SNTB2: variants seen among roughly 807,000 people sequenced by gnomAD.
SNTB2 encodes the protein beta-2-syntrophin.
Under a neutral mutation model 46.2 loss-of-function variants are expected in SNTB2, and 34 were observed. That is an observed-to-expected ratio of 0.74 (90% CI 0.56 to 0.98). The LOEUF (loss-of-function observed/expected upper bound fraction) is 0.98. Among genes scored for constraint, SNTB2 ranks in the 50% least tolerant of loss-of-function variants. The pLI is 0.00. For missense variants in SNTB2, 603 were observed against 731.4 expected, an observed-to-expected ratio of 0.82 and a Z score of 2.02; for synonymous variants, 290 against 312.6, an observed-to-expected ratio of 0.93 and a Z score of 0.76.
intron 1 of SNTB2, among the ~76,000 whole-genome samples, chr16:69,216,667 GA>G (rs1964350113): frequency 6.6e-6 from 1 of 151,628 alleles, no homozygotes. Flanking sequence ...CCCCATGGGT[GA>G]CAGAGTGAGA....
rs181062531 is a variant in SNTB2 at position 69,286,038 on chromosome 16, C to T, written c.1345+1794C>T. Among the ~76,000 whole-genome samples, 359 of 152,062 alleles carry T rather than the reference C, an allele frequency of 2.4e-3. 2 individuals carry two copies. The highest frequency in any genetic ancestry group is 4.2e-3 in the Non-Finnish European group (286 of 67,974). ...GAACTTCTGACCTCAGGTGATCCAC[C>T]GACCTCAGGTGATCCGCCTACCTTG... On this transcript the variant is annotated intron_variant, in intron 5 of 6. Transcript: ENST00000336278.
In SNTB2 at chr16:69,305,382, C is replaced by T. The variant is rs113123420; in HGVS notation, c.*4458C>T. ...TCTTATTATTTTCACTGGTTATAAG[C>T]TATTCCTTGTACATAATATTTAAAC... On this transcript the variant is annotated 3_prime_UTR_variant, in exon 7 of 7. Coordinates refer to ENST00000336278, the MANE Select transcript of SNTB2 (RefSeq NM_006750.4). The T allele has an allele frequency of 3.5e-4, 53 of 152,326 alleles. 1 individual carries two copies. The highest frequency in any genetic ancestry group is 1.0e-3 in the African/African-American group (43 of 41,550). The allele number at this position is 152,326 out of a possible 1,614,324, so 9.4% of individuals were successfully genotyped here. A position where few individuals can be genotyped will look rare whatever the true frequency, so the allele number is the denominator to read the frequency against.
intron 1 of SNTB2, among the ~76,000 whole-genome samples, chr16:69,222,208 G>A (rs570923065): frequency 1.1e-4 from 16 of 151,966 alleles, no homozygotes; most frequent in Non-Finnish European, 5.9e-5. Flanking sequence ...TTTCCTTGAC[G>A]TACAACATAA....
chr16:69,250,369 T>C (rs995404919), intron 2 of SNTB2, among the ~76,000 whole-genome samples: 1 of 152,186 alleles, frequency 6.6e-6, no homozygotes, highest in Non-Finnish European at 1.5e-5. Flanking sequence ...GAAGATAGGC[T>C]TCGTAATGTT....
intron 3 of SNTB2, among the ~76,000 whole-genome samples, chr16:69,269,427 G>T (rs926099990): frequency 3.3e-5 from 5 of 152,012 alleles, no homozygotes; most frequent in Admixed American, 6.6e-5. Context: ...TGAGGCAGGA[G>T]AATTGCTTGA....
chr16:69,251,435 G>T (rs1237475343), intron 2 of SNTB2, among the ~76,000 whole-genome samples: 1 of 146,830 alleles, frequency 6.8e-6, no homozygotes, highest in Non-Finnish European at 1.5e-5. Flanking sequence ...AAATTTGTAG[G>T]AGTGGAATTG....
At chr16:69,218,794 C>A (rs1964373265) in intron 1 of SNTB2, among the ~76,000 whole-genome samples, 1 of 152,152 alleles carries the variant, frequency 6.6e-6, no homozygotes, top group Non-Finnish European at 1.5e-5. Flanking sequence ...TGATGCAGCA[C>A]TCTATGATAA....
intron 5 of SNTB2, among the ~76,000 whole-genome samples, chr16:69,289,430 C>G (rs1269246724): frequency 6.6e-6 from 1 of 151,962 alleles, no homozygotes; most frequent in Non-Finnish European, 1.5e-5. Context: ...TGTTCAAGAG[C>G]AGAGTGTGGT....
Position 69,284,062 on chromosome 16 carries a change from G to T in SNTB2, c.1163G>T (p.Gly388Val). Residue 388 changes from glycine to valine, a missense_variant, in exon 5 of 7, where the codon GGC (glycine) becomes GTC (valine). This residue lies in a region of SNTB2 where 537 missense variants were observed against 692.4 expected (regional missense o/e 0.78). Coordinates refer to ENST00000336278, the MANE Select transcript of SNTB2 (RefSeq NM_006750.4). ...TGTGGTCCTAGGTTGGTTCATTCTG[G>T]CTCCGGATGTCGATCCCCCTCCCTT... ...PLVATRLVHS[G>V]SGCRSPSLGS... 3.1e-6 allele frequency: 5 copies of T among 1,611,448 alleles called. No individual in the cohort carries two copies. Among genetic ancestry groups the T allele is most frequent in the South Asian group, 2.2e-5 (2 of 90,746 alleles).
At chr16:69,283,892 GTC>G (rs1965074075) in intron 4 of SNTB2, among the ~76,000 whole-genome samples, 154 bp from the exon 5 acceptor site, 1 of 152,148 alleles carries the variant, frequency 6.6e-6, no homozygotes, top group Non-Finnish European at 1.5e-5. Flanking sequence ...AAACAGAATG[GTC>G]TGTATTTCAG....
intron 1 of SNTB2, among the ~76,000 whole-genome samples, chr16:69,194,932 A>G (rs952306379): frequency 6.6e-6 from 1 of 152,252 alleles, no homozygotes; most frequent in Non-Finnish European, 1.5e-5. Context: ...ATTTAGAAAC[A>G]TTATAGACAG....
At chr16:69,188,398 A>G (rs1429452281) in intron 1 of SNTB2, among the ~76,000 whole-genome samples, 1 of 152,232 alleles carries the variant, frequency 6.6e-6, no homozygotes, top group Non-Finnish European at 1.5e-5. Flanking sequence ...GTCTGCTGCC[A>G]GCTTCCTACC....
intron 5 of SNTB2, among the ~76,000 whole-genome samples, chr16:69,296,786 C>G (rs965064914): frequency 1.4e-5 from 2 of 145,220 alleles, no homozygotes; most frequent in Admixed American, 6.9e-5. Flanking sequence ...GTGGGCAGAT[C>G]ACGTGAGGTC....
intron 1 of SNTB2, among the ~76,000 whole-genome samples, chr16:69,204,739 C>T (rs1248700475): frequency 2.0e-5 from 3 of 152,186 alleles, no homozygotes; most frequent in African/African-American, 7.2e-5. Context: ...GCAGCATTTG[C>T]CCCTTCAGTA....
chr16:69,207,814 A>T (rs1271257890), intron 1 of SNTB2, among the ~76,000 whole-genome samples: 1 of 151,538 alleles, frequency 6.6e-6, no homozygotes, highest in Non-Finnish European at 1.5e-5. Context: ...TCATGTAAAA[A>T]TGAAAAAAAT....
intron 1 of SNTB2, among the ~76,000 whole-genome samples, chr16:69,203,734 C>T (rs920591224): frequency 2.6e-5 from 4 of 151,980 alleles, no homozygotes; most frequent in African/African-American, 4.8e-5. Flanking sequence ...TTTTTTATTG[C>T]AGTGGGAATC....
intron 1 of SNTB2, among the ~76,000 whole-genome samples, chr16:69,223,904 A>G (rs1964432576): frequency 6.6e-6 from 1 of 151,472 alleles, no homozygotes; most frequent in South Asian, 2.1e-4. Context: ...TGTTGGGATT[A>G]CAGGCGTGAG....
rs1296933645 is a variant in SNTB2 at position 69,302,491 on chromosome 16, G to C, written c.*1567G>C. 6.6e-6 allele frequency: 1 copy of C among 152,188 alleles called. No individual in the cohort carries two copies. The highest frequency in any genetic ancestry group is 1.5e-5 in the Non-Finnish European group (1 of 68,048). 9.4% of individuals were successfully genotyped at this position (152,188 alleles called of 1,614,324 possible). ...TGAGCGCTGTGGAGGGTGGAGGAGG[G>C]TGTCACTTCAGATGGGGCAGGCACA... is the stretch of plus-strand genomic sequence containing the variant. On this transcript the variant is annotated 3_prime_UTR_variant, in exon 7 of 7. Transcript: ENST00000336278.
chr16:69,222,777 A>C (rs1208833627), intron 1 of SNTB2, among the ~76,000 whole-genome samples: 1 of 151,784 alleles, frequency 6.6e-6, no homozygotes, highest in East Asian at 1.9e-4. Flanking sequence ...GTGATTTGTT[A>C]TTTTCTTTTC....
Sources: allele counts gnomAD v4.1 joint callset (sites outside exome capture counted in the v4.1 genomes callset), GRCh38; gene constraint gnomAD v4.1.1; regional missense constraint gnomAD v4.1.1; transcripts MANE v1.5; gene names NCBI Gene and HGNC (gene_info 2026-07-23, HGNC 2026-07-21).